CPSF4: variants seen among roughly 807,000 people sequenced by gnomAD.
CPSF4 encodes cleavage and polyadenylation specificity factor subunit 4.
Under a neutral mutation model 37.7 loss-of-function variants are expected in CPSF4, and 11 were observed. That is an observed-to-expected ratio of 0.29 (90% CI 0.18 to 0.48). The LOEUF (loss-of-function observed/expected upper bound fraction) is 0.48. Ranked by LOEUF, CPSF4 falls within the 20% of genes least tolerant of loss-of-function variation. The pLI is 0.99. For synonymous variants in CPSF4, 132 were observed against 135.9 expected (o/e 0.97, Z 0.20); for missense variants, 144 against 359.5 (o/e 0.40, Z 4.85).
At chr7:99,439,822 C>G (rs1382813212) in intron 1 of CPSF4, among the ~76,000 whole-genome samples, 1 of 152,150 alleles carries the variant, frequency 6.6e-6, no homozygotes, top group African/African-American at 2.4e-5. Context: ...GCTAGACTCT[C>G]AAACTCCCTT....
rs1562868081 is a variant in CPSF4 at position 99,456,577 on chromosome 7, T to C, written c.*77T>C. Reference sequence around the variant, plus strand: ...TGCATTTAACTGTTTCATGCGCTTGTTGGCGCGACTGTGGCTCGAGCTGGC... The same window carrying C: ...TGCATTTAACTGTTTCATGCGCTTGCTGGCGCGACTGTGGCTCGAGCTGGC... On this transcript the variant is annotated 3_prime_UTR_variant, in exon 8 of 8. Coordinates refer to ENST00000292476, the MANE Select transcript of CPSF4 (RefSeq NM_006693.4). The C allele has an allele frequency of 1.6e-6, 2 of 1,251,614 alleles. No homozygotes were observed. The highest frequency in any genetic ancestry group is 2.3e-5 in the East Asian group (1 of 42,930). The allele number at this position is 1,251,614 out of a possible 1,614,324, so 77.5% of individuals were successfully genotyped here.
intron 2 of CPSF4, among the ~76,000 whole-genome samples, chr7:99,445,674 A>AG (rs1399953826): frequency 6.6e-6 from 1 of 152,172 alleles, no homozygotes; most frequent in Non-Finnish European, 1.5e-5. Context: ...ACCTGAGGTC[A>AG]GGAGTTTGAG....
chr7:99,450,433 C>A, intron 4 of CPSF4, 62 bp downstream of exon 4: 3 of 1,204,860 alleles, frequency 2.5e-6, no homozygotes, highest in Non-Finnish European at 3.6e-6. Context: ...CTGCCCACGA[C>A]CCTGGAGGCT....
chr7:99,446,815 G>GTTTTTTTT (rs1797542230), intron 2 of CPSF4, among the ~76,000 whole-genome samples: 2 of 66,632 alleles, frequency 3.0e-5, no homozygotes, highest in African/African-American at 7.9e-5. Context: ...TTTTAACGGA[G>GTTTTTTTT]TTTTGCTCTT....
chr7:99,450,253 C>T (rs759590752), intron 3 of CPSF4, 23 bp from the exon 4 acceptor site: 12 of 1,597,086 alleles, frequency 7.5e-6, no homozygotes, highest in South Asian at 3.3e-5. Context: ...TCCCAGTGGT[C>T]TCACGTCTGA....
At position 99,456,547 on chromosome 7, in the gene CPSF4, G is replaced by A. The variant is rs1463695991; in HGVS notation, c.*47G>A. On this transcript the variant is annotated 3_prime_UTR_variant, in exon 8 of 8. Transcript: ENST00000292476. Reference sequence around the variant, plus strand: ...AGCAGCCCGGGGGCCCCGCTGTTGGGAGTGTGCATTTAACTGTTTCATGCG... The same window carrying A: ...AGCAGCCCGGGGGCCCCGCTGTTGGAAGTGTGCATTTAACTGTTTCATGCG... The A allele has an allele frequency of 6.6e-7, 1 of 1,526,612 alleles. No homozygotes were observed. The allele number at this position is 1,526,612 out of a possible 1,614,324, so 94.6% of individuals were successfully genotyped here.
intron 2 of CPSF4, among the ~76,000 whole-genome samples, chr7:99,445,697 A>C (rs903359817): frequency 6.6e-6 from 1 of 152,192 alleles, no homozygotes; most frequent in African/African-American, 2.4e-5. Context: ...CAGCCTGGCC[A>C]ACATGGTGAA....
At chr7:99,440,267 C>G (rs1796778971) in intron 1 of CPSF4, among the ~76,000 whole-genome samples, 1 of 152,148 alleles carries the variant, frequency 6.6e-6, no homozygotes, top group Non-Finnish European at 1.5e-5. Context: ...CCCACCGCTC[C>G]CAGCAGCCTC....
chr7:99,455,583 G>A (rs983841832), intron 7 of CPSF4, among the ~76,000 whole-genome samples: 13 of 152,216 alleles, frequency 8.5e-5, no homozygotes, highest in African/African-American at 3.1e-4. Flanking sequence ...GTGCCAACTG[G>A]GCAGAGCCCC....
Position 99,453,890 on chromosome 7 carries a change from C to T in CPSF4, c.571-76C>T, listed in dbSNP as rs1798107328. The T allele has an allele frequency of 6.8e-7, 1 of 1,461,300 alleles. No individual in the cohort carries two copies. Among genetic ancestry groups the T allele is most frequent in the Non-Finnish European group, 9.4e-7 (1 of 1,059,174 alleles). The allele number at this position is 1,461,300 out of a possible 1,614,324, so 90.5% of individuals were successfully genotyped here. Reference sequence around the variant, plus strand: ...CCGTTTGCGGGACGAGTCCCGCCCTCTTTTTTCCTGTCCCCATCGGTAGTC... The same window carrying T: ...CCGTTTGCGGGACGAGTCCCGCCCTTTTTTTTCCTGTCCCCATCGGTAGTC... On this transcript the variant is annotated intron_variant, in intron 6 of 7. Transcript: ENST00000292476. The surrounding 1 kb of genome is among the most constrained non-coding windows in gnomAD (Gnocchi z 4.7).
chr7:99,443,379 G>T, intron 1 of CPSF4: 1 of 1,400,250 alleles, frequency 7.1e-7, no homozygotes, highest in Non-Finnish European at 1.0e-6. Context: ...TTCAAGATAT[G>T]CCTGGAGTCT....
chr7:99,439,384 TC>T, intron 1 of CPSF4, 199 bp downstream of exon 1: 1 of 496,954 alleles, frequency 2.0e-6, no homozygotes, highest in South Asian at 2.8e-5. Context: ...CCTGGGATCC[TC>T]CCCTTTAGTT....
chr7:99,439,402 C>T, intron 1 of CPSF4: 1 of 484,520 alleles, frequency 2.1e-6, no homozygotes, highest in Non-Finnish European at 3.6e-6. Context: ...AGTTACCGAA[C>T]TCCCTCATCT....
At chr7:99,450,581 T>C in intron 4 of CPSF4, 121 bp from the exon 5 acceptor site, 1 of 874,542 alleles carries the variant, frequency 1.1e-6, no homozygotes. Flanking sequence ...GAGGCCAGTG[T>C]TGGGAGGTGA....
At chr7:99,446,845 A>G (rs2150994857) in intron 2 of CPSF4, among the ~76,000 whole-genome samples, 2 of 123,948 alleles carry the variant, frequency 1.6e-5, no homozygotes, top group East Asian at 5.3e-4. Flanking sequence ...GCTGGAGTGC[A>G]GTGGTGTCAT....
intron 1 of CPSF4, among the ~76,000 whole-genome samples, chr7:99,439,949 AAC>A (rs1796739925): frequency 6.6e-6 from 1 of 151,922 alleles, no homozygotes; most frequent in South Asian, 2.1e-4. Context: ...CCTTGGCCTG[AAC>A]TCCCTTCACT....
At chr7:99,449,594 C>G (rs748142753) in intron 3 of CPSF4, among the ~76,000 whole-genome samples, 4 of 152,242 alleles carry the variant, frequency 2.6e-5, no homozygotes, top group Non-Finnish European at 5.9e-5. Context: ...CCTTTCCAGG[C>G]ACTGGAGGGA....
Position 99,456,747 on chromosome 7 carries a change from T to G in CPSF4, c.*247T>G. ...GTTTGGCTGGGCATCGATGCCTCCT[T>G]TCTGGGACTCCCGGCACAACTCCCC... On this transcript the variant is annotated 3_prime_UTR_variant, in exon 8 of 8. Coordinates refer to ENST00000292476, the MANE Select transcript of CPSF4 (RefSeq NM_006693.4). 1.8e-6 allele frequency: 1 copy of G among 569,612 alleles called. No homozygotes were observed. The allele number at this position is 569,612 out of a possible 1,614,324, so 35.3% of individuals were successfully genotyped here. A position where few individuals can be genotyped will look rare whatever the true frequency, so the allele number is the denominator to read the frequency against.
At chr7:99,449,742 C>G (rs1797803682) in intron 3 of CPSF4, among the ~76,000 whole-genome samples, 1 of 152,182 alleles carries the variant, frequency 6.6e-6, no homozygotes, top group Non-Finnish European at 1.5e-5. Context: ...GTGACCAGAA[C>G]CTTCTCTAGG....
Sources: gnomAD v4.1 joint callset for allele counts (sites outside exome capture counted in the v4.1 genomes callset) on GRCh38, gnomAD v4.1.1 for gene constraint, Gnocchi (gnomAD v3.1) non-coding constraint, MANE v1.5 for transcripts, NCBI Gene and HGNC (gene_info 2026-07-23, HGNC 2026-07-21) for gene names.